NCAM1: variants seen among roughly 807,000 people sequenced by gnomAD.
The protein encoded by NCAM1 is neural cell adhesion molecule 1.
In NCAM1, 14 loss-of-function variants were observed where a neutral mutation model predicts 109.8. The ratio of observed to expected loss-of-function variants is 0.13; its 90% CI spans 0.08 to 0.20. NCAM1 has a LOEUF of 0.20. Ranked by LOEUF, NCAM1 falls within the 10% of genes least tolerant of loss-of-function variation. The pLI is 1.00. For missense variants in NCAM1, 774 were observed against 1,109.9 expected (o/e 0.70, Z 4.30); for synonymous variants, 418 against 442.9 (o/e 0.94, Z 0.70).
chr11:113,231,195 G>T, intron 9 of NCAM1: 2 of 1,536,034 alleles, frequency 1.3e-6, no homozygotes, highest in Non-Finnish European at 1.7e-6. Context: ...TCCTGCCACA[G>T]GTACATGCAC....
chr11:113,248,827 A>G (rs1555120737), intron 15 of NCAM1, among the ~76,000 whole-genome samples: 2 of 152,318 alleles, frequency 1.3e-5, no homozygotes, highest in East Asian at 1.9e-4. Flanking sequence ...CTGAGCCTAC[A>G]GGGCTTGGCC....
intron 1 of NCAM1, among the ~76,000 whole-genome samples, chr11:113,025,290 T>C (rs1465822453): frequency 2.0e-5 from 3 of 152,214 alleles, no homozygotes; most frequent in African/African-American, 4.8e-5. Context: ...GGTTATAGCA[T>C]ATTTAAGTTA....
At chr11:113,004,781 C>A (rs897605382) in intron 1 of NCAM1, among the ~76,000 whole-genome samples, 9 of 151,790 alleles carry the variant, frequency 5.9e-5, no homozygotes, top group Admixed American at 3.9e-4. Flanking sequence ...TCTGAAACCC[C>A]AAACCCTCAA....
rs1438400370 is a variant in NCAM1, at chr11:113,264,472, C to T, written c.2131+4149C>T. ...GCCACAAAACTCTCCCCGCTGGAGT[C>T]CCAGATGGCGCTTCACACCAGGGCA... On this transcript the variant is annotated intron_variant, in intron 17 of 19. Coordinates refer to ENST00000316851, the MANE Select transcript of NCAM1 (RefSeq NM_181351.5). 3.0e-6 allele frequency: 3 copies of T among 985,610 alleles called. No individual in the cohort carries two copies. The African/African-American group carries it at 5.2e-5, about 17-fold the overall frequency. The allele number at this position is 985,610 out of a possible 1,614,324, so 61.1% of individuals were successfully genotyped here. A position where few individuals can be genotyped will look rare whatever the true frequency, so the allele number is the denominator to read the frequency against.
At chr11:113,096,479 A>G (rs566978117) in intron 1 of NCAM1, among the ~76,000 whole-genome samples, 1 of 152,196 alleles carries the variant, frequency 6.6e-6, no homozygotes, top group East Asian at 1.9e-4. Context: ...CGTTCAGGTT[A>G]ATGCGGACAG....
intron 1 of NCAM1, among the ~76,000 whole-genome samples, chr11:113,192,376 G>A (rs1943706219): frequency 6.6e-6 from 1 of 152,134 alleles, no homozygotes; most frequent in Non-Finnish European, 1.5e-5. Context: ...TTCATGCAAA[G>A]TGCTGGCCCG....
intron 1 of NCAM1, among the ~76,000 whole-genome samples, chr11:112,964,215 C>A (rs1313523108): frequency 7.2e-6 from 1 of 138,116 alleles, no homozygotes; most frequent in Non-Finnish European, 1.5e-5. Context: ...TTTGTGTGCT[C>A]GGCTGGGTGC....
chr11:113,078,449 G>A (rs370710545), intron 1 of NCAM1, among the ~76,000 whole-genome samples: 3 of 151,836 alleles, frequency 2.0e-5, no homozygotes, highest in South Asian at 2.1e-4. Context: ...CATGTGTTTC[G>A]GGAAGGGTAT....
intron 8 of NCAM1, among the ~76,000 whole-genome samples, chr11:113,219,281 A>G (rs1427598729): frequency 2.6e-5 from 4 of 152,218 alleles, no homozygotes; most frequent in Non-Finnish European, 4.4e-5. Flanking sequence ...CACGAGAAAA[A>G]AATTCCTCAT....
At chr11:113,018,874 A>G (rs1375609567) in intron 1 of NCAM1, among the ~76,000 whole-genome samples, 6 of 152,162 alleles carry the variant, frequency 3.9e-5, no homozygotes, top group African/African-American at 1.4e-4. Flanking sequence ...TTTCATTACA[A>G]AAATTACCTA....
intron 1 of NCAM1, among the ~76,000 whole-genome samples, chr11:113,098,531 AG>A (rs1939713442): frequency 6.6e-6 from 1 of 152,154 alleles, no homozygotes; most frequent in Non-Finnish European, 1.5e-5. Context: ...TATGGCAGGC[AG>A]GCTGTAAGTG....
chr11:113,099,528 C>T (rs1253950006), intron 1 of NCAM1, among the ~76,000 whole-genome samples: 4 of 152,070 alleles, frequency 2.6e-5, no homozygotes, highest in South Asian at 4.1e-4. Flanking sequence ...GAGGAATGTG[C>T]GTTAACAACA....
chr11:113,125,654 C>T (rs1222146727), intron 1 of NCAM1, among the ~76,000 whole-genome samples: 2 of 152,196 alleles, frequency 1.3e-5, no homozygotes, highest in African/African-American at 4.8e-5. Context: ...TCAGAGCCCG[C>T]TGGGCAGAGT....
At chr11:113,131,875 G>A (rs536653585) in intron 1 of NCAM1, among the ~76,000 whole-genome samples, 1 of 152,332 alleles carries the variant, frequency 6.6e-6, no homozygotes, top group East Asian at 1.9e-4. Context: ...ATGAGGAAAT[G>A]AAGTCTAGCT....
At chr11:113,186,083 A>G (rs946791254) in intron 1 of NCAM1, among the ~76,000 whole-genome samples, 13 of 152,202 alleles carry the variant, frequency 8.5e-5, no homozygotes, top group African/African-American at 2.9e-4. Flanking sequence ...GCCAGGCACT[A>G]TGCTGGGTAT....
At chr11:113,245,426 A>T (rs952149789) in intron 14 of NCAM1, among the ~76,000 whole-genome samples, 7 of 152,198 alleles carry the variant, frequency 4.6e-5, no homozygotes, top group Non-Finnish European at 1.0e-4. Flanking sequence ...TGGGTGATGA[A>T]ACGAGACCGT....
At chr11:113,239,045 T>C (rs753617834) in intron 14 of NCAM1, among the ~76,000 whole-genome samples, 11 of 152,212 alleles carry the variant, frequency 7.2e-5, no homozygotes, top group Non-Finnish European at 1.6e-4. Flanking sequence ...GACATGGATA[T>C]ATCAGAGCAG....
intron 1 of NCAM1, among the ~76,000 whole-genome samples, chr11:113,128,834 C>T (rs1941279339): frequency 6.6e-6 from 1 of 151,772 alleles, no homozygotes; most frequent in South Asian, 2.1e-4. Context: ...GTGTTTGTCA[C>T]TGGGGACAGC....
intron 1 of NCAM1, among the ~76,000 whole-genome samples, chr11:113,053,942 G>C (rs978584599): frequency 2.0e-5 from 3 of 152,138 alleles, no homozygotes; most frequent in African/African-American, 2.4e-5. Flanking sequence ...CTAAGCCATA[G>C]GTCTAGGCAG....
Sources: gnomAD v4.1 joint callset for allele counts (sites outside exome capture counted in the v4.1 genomes callset) on GRCh38, gnomAD v4.1.1 for gene constraint, MANE v1.5 for transcripts, NCBI Gene and HGNC (gene_info 2026-07-23, HGNC 2026-07-21) for gene names.